Variants in ROCK1 observed in about 807,000 individuals in gnomAD.
ROCK1 encodes rho-associated protein kinase 1.
A neutral mutation model predicts 196.8 loss-of-function variants in ROCK1; 36 were observed. The observed-to-expected ratio is 0.18, with a 90% CI of 0.14 to 0.24. ROCK1 has a LOEUF of 0.24. Ranked by LOEUF, ROCK1 falls within the 10% of genes least tolerant of loss-of-function variation. The pLI is 1.00. For synonymous variants in ROCK1, 443 were observed against 515.9 expected, an observed-to-expected ratio of 0.86 and a Z score of 1.91; for missense variants, 920 against 1,562.0, an observed-to-expected ratio of 0.59 and a Z score of 6.93.
intron 2 of ROCK1, among the ~76,000 whole-genome samples, chr18:21,063,879 A>C (rs115185311): frequency 6.6e-6 from 1 of 152,200 alleles, no homozygotes; most frequent in Admixed American, 6.5e-5. Context: ...TATTATAACC[A>C]GACCATTTAC....
In ROCK1 at chr18:20,947,534, G is replaced by A. The variant is rs947343435; in HGVS notation, c.*3850C>T. ...CATTATAAAAACAAAGAATAATTGTGATTAAGATTTCCAAGTGTCAGGCCA... is the reference window on the plus strand; with the variant it reads ...CATTATAAAAACAAAGAATAATTGTAATTAAGATTTCCAAGTGTCAGGCCA... On this transcript the variant is annotated 3_prime_UTR_variant, in exon 33 of 33. Transcript: ENST00000399799. 1 of 151,864 alleles carries A rather than the reference G, an allele frequency of 6.6e-6. No homozygotes were observed. Among genetic ancestry groups the A allele is most frequent in the Non-Finnish European group, 1.5e-5 (1 of 67,972 alleles). The allele number at this position is 151,864 out of a possible 1,614,324, so 9.4% of individuals were successfully genotyped here. A position where few individuals can be genotyped will look rare whatever the true frequency, so the allele number is the denominator to read the frequency against.
In ROCK1 at chr18:20,983,324, G is replaced by A. The variant is rs561931994; in HGVS notation, c.2490-492C>T. ...GCCAATTAAGCACAAGAAAGGGGCT[G>A]GTGGAAATGAACCATCAGGTAAGAA... On this transcript the variant is annotated intron_variant, in intron 20 of 32. Transcript: ENST00000399799. 1.5e-4 allele frequency among the ~76,000 whole-genome samples: 22 copies of A among 149,548 alleles called. No homozygotes were observed. The South Asian group carries it at 4.8e-3, about 32-fold the overall frequency.
chr18:21,095,388 C>T (rs370123747), intron 1 of ROCK1, among the ~76,000 whole-genome samples: 8 of 151,916 alleles, frequency 5.3e-5, no homozygotes, highest in Non-Finnish European at 8.8e-5. Flanking sequence ...ATCAGTATAG[C>T]GAAGAGATAT....
At chr18:21,031,618 A>G (rs999905489) in intron 9 of ROCK1, among the ~76,000 whole-genome samples, 6 of 150,494 alleles carry the variant, frequency 4.0e-5, no homozygotes, top group Middle Eastern at 3.4e-3. Context: ...AAAAAAAAAA[A>G]AAAAAAAGAA....
intron 22 of ROCK1, among the ~76,000 whole-genome samples, chr18:20,972,834 A>C (rs1315460148): frequency 1.3e-5 from 2 of 152,328 alleles, no homozygotes; most frequent in South Asian, 4.1e-4. Context: ...TCACTTTTCA[A>C]GTAAGTTGGC....
rs1199643736 is a variant in ROCK1 at position 20,982,817 on chromosome 18, A to G, written c.2505T>C (p.Asn835=). The part of the protein sequence containing the change: ...LAQLTKQYRG[N]EGQMRELQDQ... The stretch of plus-strand genomic sequence containing the variant: ...CTTGTAGCTCCCGCATCTGTCCTTC[A>G]TTTCCTCTATACTGTCTTCAGATGA... The change falls in exon 21 of 33, where the codon AAT becomes AAC. Residue 835 remains asparagine, a synonymous_variant. Coordinates refer to ENST00000399799, the MANE Select transcript of ROCK1 (RefSeq NM_005406.3). The G allele has an allele frequency of 3.2e-6, 5 of 1,551,720 alleles. No individual in the cohort carries two copies. Among genetic ancestry groups the G allele is most frequent in the Non-Finnish European group, 4.4e-6 (5 of 1,124,332 alleles).
At chr18:20,966,080 CTAAT>C (rs758031353) in intron 27 of ROCK1, among the ~76,000 whole-genome samples, 38 of 152,120 alleles carry the variant, frequency 2.5e-4, no homozygotes, top group Non-Finnish European at 4.7e-4. Flanking sequence ...AGAAAATACA[CTAAT>C]TAAAATCTAT....
At chr18:21,032,207 T>C (rs753369372) in intron 9 of ROCK1, among the ~76,000 whole-genome samples, 4 of 152,040 alleles carry the variant, frequency 2.6e-5, no homozygotes, top group African/African-American at 4.8e-5. Context: ...CTCAAAGCCA[T>C]ATGAAGAAGA....
At chr18:20,979,224 C>T (rs1292814707) in intron 22 of ROCK1, among the ~76,000 whole-genome samples, 4 of 152,108 alleles carry the variant, frequency 2.6e-5, no homozygotes, top group Non-Finnish European at 4.4e-5. Flanking sequence ...CCACCATGCC[C>T]GGCCATAACC....
At chr18:21,005,119 C>T (rs1349380468) in intron 16 of ROCK1, among the ~76,000 whole-genome samples, 2 of 152,166 alleles carry the variant, frequency 1.3e-5, no homozygotes, top group African/African-American at 4.8e-5. Flanking sequence ...AGTATGGATG[C>T]TGCTGCTAAC....
chr18:21,072,521 T>C (rs2036394518), intron 1 of ROCK1, among the ~76,000 whole-genome samples: 1 of 152,166 alleles, frequency 6.6e-6, no homozygotes, highest in Admixed American at 6.5e-5. Flanking sequence ...GCAGGAACCT[T>C]AGCTTTTATT....
intron 18 of ROCK1, among the ~76,000 whole-genome samples, chr18:20,990,336 A>G (rs2035613042): frequency 6.6e-6 from 1 of 152,068 alleles, no homozygotes; most frequent in Non-Finnish European, 1.5e-5. Context: ...TAAAAAACAG[A>G]GAAAAGACAG....
chr18:21,023,045 T>A (rs1003049912), intron 11 of ROCK1, among the ~76,000 whole-genome samples: 5 of 152,044 alleles, frequency 3.3e-5, no homozygotes, highest in Non-Finnish European at 7.4e-5. Context: ...ATAGGCAAAT[T>A]CATTGAGACA....
chr18:20,964,201 A>G (rs914765118), intron 27 of ROCK1, among the ~76,000 whole-genome samples: 1 of 152,170 alleles, frequency 6.6e-6, no homozygotes, highest in African/African-American at 2.4e-5. Flanking sequence ...AACTTAATCT[A>G]TTCAAAGCCC....
rs763558060 is a variant in ROCK1, at chr18:20,966,975, C to T, written c.3294G>A (p.Ser1098=). The T allele has an allele frequency of 7.4e-6, 12 of 1,613,530 alleles. No homozygotes were observed. Among genetic ancestry groups the T allele is most frequent in the African/African-American group, 4.0e-5 (3 of 74,884 alleles). Reference sequence around the variant, plus strand: ...GAAAACTAGCAACACTTGTAGAATCCGAGAGGTCCAAAAGTTTAGCACGCA... The same window carrying T: ...GAAAACTAGCAACACTTGTAGAATCTGAGAGGTCCAAAAGTTTAGCACGCA... ...EQLRAKLLDL[S]DSTSVASFPS... Residue 1098 remains serine (S), a synonymous_variant, in exon 27 of 33, where the codon TCG becomes TCA. Transcript: ENST00000399799.
At chr18:21,069,115 G>A (rs2036362152) in intron 2 of ROCK1, among the ~76,000 whole-genome samples, 1 of 152,010 alleles carries the variant, frequency 6.6e-6, no homozygotes, top group Non-Finnish European at 1.5e-5. Context: ...CCCTTTATTG[G>A]GGAAAGGAAG....
At chr18:21,086,316 G>T (rs1012974700) in intron 1 of ROCK1, among the ~76,000 whole-genome samples, 6 of 151,950 alleles carry the variant, frequency 3.9e-5, no homozygotes, top group African/African-American at 1.2e-4. Context: ...TTCACCATGT[G>T]GGACAGGCTG....
At chr18:20,956,764 T>C (rs1169321846) in intron 29 of ROCK1, among the ~76,000 whole-genome samples, 1 of 152,122 alleles carries the variant, frequency 6.6e-6, no homozygotes, top group African/African-American at 2.4e-5. Context: ...TGGGAAATAT[T>C]TGCATTACAT....
At chr18:21,071,160 T>C (rs2036381022) in intron 1 of ROCK1, among the ~76,000 whole-genome samples, 1 of 149,940 alleles carries the variant, frequency 6.7e-6, no homozygotes, top group Admixed American at 6.7e-5. Flanking sequence ...AGGACACACC[T>C]GAGCTTTTGC....
Sources: gnomAD v4.1 joint callset for allele counts (sites outside exome capture counted in the v4.1 genomes callset) on GRCh38, gnomAD v4.1.1 for gene constraint, MANE v1.5 for transcripts, NCBI Gene and HGNC (gene_info 2026-07-23, HGNC 2026-07-21) for gene names.